Variants in ZNF582 observed in about 807,000 individuals in gnomAD.
ZNF582 encodes the protein zinc finger protein 582.
Under a neutral mutation model 12.3 loss-of-function variants are expected in ZNF582, and 14 were observed. That is an observed-to-expected ratio of 1.14 (90% CI 0.75 to 1.78). The LOEUF (loss-of-function observed/expected upper bound fraction) is 1.78. Ranked by LOEUF, ZNF582 falls within the 40% of genes most tolerant of loss-of-function variation. The pLI, the probability that ZNF582 is intolerant of heterozygous loss-of-function variation, is 0.00. For synonymous variants in ZNF582, 210 were observed against 207.2 expected (o/e 1.01, Z -0.11); for missense variants, 567 against 616.5 (o/e 0.92, Z 0.85).
intron 4 of ZNF582, 137 bp downstream of exon 4, chr19:56,389,864 G>A (rs1448548782): frequency 3.0e-5 from 19 of 628,762 alleles, no homozygotes; most frequent in South Asian, 4.2e-5. Flanking sequence ...TGCTGCTGAC[G>A]AGCTGAGGAA....
At chr19:56,388,635 CT>C (rs368428180) in intron 4 of ZNF582, among the ~76,000 whole-genome samples, 33 of 151,492 alleles carry the variant, frequency 2.2e-4, no homozygotes, top group Non-Finnish European at 3.7e-4. Flanking sequence ...CCTAGCGTAT[CT>C]TTTTTTTTCT....
At chr19:56,384,458 A>C in exon 5 of ZNF582, 1 of 1,600,400 alleles carries the variant, frequency 6.2e-7, no homozygotes, top group Non-Finnish European at 8.5e-7. Context: ...ACGATGACTA[A>C]AGGTTTTCCC....
At chr19:56,384,478 G>A in exon 5 of ZNF582, 1 of 1,604,728 alleles carries the variant, frequency 6.2e-7, no homozygotes, top group South Asian at 1.1e-5. Context: ...CACATTCCTT[G>A]CATGCATAGG....
exon 5 of ZNF582, chr19:56,384,043 C>T (rs777867711): frequency 6.8e-6 from 11 of 1,612,660 alleles, no homozygotes; most frequent in Non-Finnish European, 8.5e-6. Context: ...GACTCAAGGT[C>T]TTCTCACATT....
Position 56,384,846 on chromosome 19 carries a change from C to A in ZNF582, c.571G>T (p.Gly191Ter). The A allele has an allele frequency of 6.2e-7, 1 of 1,606,922 alleles. No individual in the cohort carries two copies. Among genetic ancestry groups the A allele is most frequent in the Non-Finnish European group, 8.5e-7 (1 of 1,177,982 alleles). ...TAGGGTTTCTCATTAGTATAAATTCCTTGATGATTAATAAGGAGTTCCTTT... is the reference window on the plus strand; with the variant it reads ...TAGGGTTTCTCATTAGTATAAATTCATTGATGATTAATAAGGAGTTCCTTT... The change falls in exon 5 of 5, where the codon GGA becomes TGA. Residue 191 changes from glycine to a stop codon, truncating the protein, a stop_gained. Coordinates refer to ENST00000586929, the Ensembl canonical transcript of ZNF582. LOFTEE classifies it low-confidence loss of function (END_TRUNC).
In ZNF582 at chr19:56,390,107, GAAGA is replaced by G. The variant is rs1386009668; in HGVS notation, c.137-15_137-12del. 6.2e-7 allele frequency: 1 copy of G among 1,612,922 alleles called. No homozygotes were observed. The highest frequency in any genetic ancestry group is 1.1e-5 in the South Asian group (1 of 90,994). ...TGGAAACGGCAAGACCTGGAGATGAGAAGAAACATGCCACCTGGTTATGGTGTGG... is the reference window on the plus strand; with the variant it reads ...TGGAAACGGCAAGACCTGGAGATGAGAACATGCCACCTGGTTATGGTGTGG... On this transcript the variant is annotated splice_polypyrimidine_tract_variant and intron_variant, in intron 3 of 4. Transcript: ENST00000586929.
At chr19:56,386,892 G>T (rs1385951909) in intron 4 of ZNF582, among the ~76,000 whole-genome samples, 1 of 152,188 alleles carries the variant, frequency 6.6e-6, no homozygotes, top group Non-Finnish European at 1.5e-5. Flanking sequence ...CTAATTTGCT[G>T]AATCATACAT....
chr19:56,383,767 G>A, exon 5 of ZNF582: 1 of 1,382,536 alleles, frequency 7.2e-7, no homozygotes, highest in Admixed American at 2.7e-5. Context: ...TCAGACTTAG[G>A]ATAAAGGCTT....
At chr19:56,393,489 G>A in exon 1 of ZNF582, 2 of 510,746 alleles carry the variant, frequency 3.9e-6, no homozygotes, top group East Asian at 5.6e-5. Context: ...GCCCCCGGCA[G>A]CCCAGGGCGC....
chr19:56,393,133 C>G (rs2042030846), intron 1 of ZNF582, 87 bp downstream of exon 1: 1 of 1,074,786 alleles, frequency 9.3e-7, no homozygotes, highest in African/African-American at 2.2e-5. Context: ...AAGATTTCCT[C>G]TCAGATTAAA....
At chr19:56,391,662 T>G in intron 2 of ZNF582, 82 bp downstream of exon 2, 1 of 1,340,360 alleles carries the variant, frequency 7.5e-7, no homozygotes, top group Admixed American at 1.7e-5. Flanking sequence ...TGGGAAAGTC[T>G]GAGAACCAAA....
chr19:56,384,517 T>A, exon 5 of ZNF582: 1 of 1,613,410 alleles, frequency 6.2e-7, no homozygotes, highest in Non-Finnish European at 8.5e-7. Flanking sequence ...TTCTATAATG[T>A]ACTTTAAGAT....
At chr19:56,393,100 A>G (rs888493053) in intron 1 of ZNF582, 120 bp downstream of exon 1, 16 of 852,646 alleles carry the variant, frequency 1.9e-5, no homozygotes, top group Non-Finnish European at 2.6e-5. Flanking sequence ...GGGTCTTGTA[A>G]CTCTCTGAGA....
intron 1 of ZNF582, among the ~76,000 whole-genome samples, chr19:56,392,209 A>T (rs977502243): frequency 6.6e-6 from 1 of 152,250 alleles, no homozygotes; most frequent in African/African-American, 2.4e-5. Context: ...CCTAGAATAA[A>T]GCCTTTCCAG....
intron 4 of ZNF582, chr19:56,386,402 A>G (rs2041966295): frequency 6.6e-6 from 1 of 152,138 alleles, no homozygotes; most frequent in Non-Finnish European, 1.5e-5. Context: ...ACATTTCTTA[A>G]ATTTCTTAAA....
intron 4 of ZNF582, chr19:56,386,359 A>T (rs2041965903): frequency 3.3e-5 from 5 of 152,300 alleles, no homozygotes; most frequent in Admixed American, 3.3e-4. Flanking sequence ...GTTTAGTTGA[A>T]CGCCATGGCT....
rs149949872 is a variant in ZNF582, at chr19:56,384,330, C to T, written c.1087G>A (p.Gly363Ser). Reference sequence around the variant, plus strand: ...ACTTTGCACTCATAGGGTTTCTCACCGGTATGAATTCTCTGATGTCGTATA... The same window carrying T: ...ACTTTGCACTCATAGGGTTTCTCACTGGTATGAATTCTCTGATGTCGTATA... The change falls in exon 5 of 5, where the codon GGT becomes AGT. Residue 363 changes from glycine to serine, a missense_variant. By Grantham distance (56) the Gly-to-Ser change is moderately conservative (BLOSUM62 0). Coordinates refer to ENST00000586929, the Ensembl canonical transcript of ZNF582. 2.0e-5 allele frequency: 33 copies of T among 1,613,614 alleles called. No individual in the cohort carries two copies. In the African/African-American group the frequency reaches 3.1e-4, roughly 15 times the overall value.
chr19:56,393,281 A>T (rs140573241), exon 1 of ZNF582: 2 of 1,242,882 alleles, frequency 1.6e-6, no homozygotes, highest in Admixed American at 6.6e-5. Flanking sequence ...CAGAAAGCGC[A>T]CGCCGCGAGG....
intron 1 of ZNF582, 116 bp from the exon 2 acceptor site, chr19:56,391,948 G>A (rs2042017447): frequency 1.2e-6 from 1 of 805,860 alleles, no homozygotes; most frequent in Admixed American, 2.7e-5. Context: ...AGAAGGAGGG[G>A]GAGGCAAAGG....
Sources: gnomAD v4.1 joint callset for allele counts (sites outside exome capture counted in the v4.1 genomes callset) on GRCh38, gnomAD v4.1.1 for gene constraint, MANE v1.5 for transcripts, NCBI Gene and HGNC (gene_info 2026-07-23, HGNC 2026-07-21) for gene names.